Variants in EYA1 observed in about 807,000 individuals in gnomAD.
EYA1 encodes the protein EYA transcriptional coactivator and phosphatase 1, also known as protein phosphatase EYA1.
A neutral mutation model predicts 82.0 loss-of-function variants in EYA1; 16 were observed. The ratio of observed to expected loss-of-function variants is 0.20; its 90% CI spans 0.13 to 0.30. The LOEUF (loss-of-function observed/expected upper bound fraction) is 0.30. Among genes scored for constraint, EYA1 ranks in the 10% least tolerant of loss-of-function variants. EYA1 has a pLI of 1.00. For missense variants in EYA1, 633 were observed against 730.7 expected, an observed-to-expected ratio of 0.87 and a Z score of 1.54; for synonymous variants, 261 against 264.4, an observed-to-expected ratio of 0.99 and a Z score of 0.12.
chr8:71,434,532 G>A (rs995403354), intron 2 of EYA1, among the ~76,000 whole-genome samples: 1 of 152,090 alleles, frequency 6.6e-6, no homozygotes. Flanking sequence ...CAGACTTCTT[G>A]TAAAAAGAAA....
At chr8:71,437,818 A>T (rs1478271461) in intron 2 of EYA1, among the ~76,000 whole-genome samples, 1 of 152,184 alleles carries the variant, frequency 6.6e-6, no homozygotes, top group Non-Finnish European at 1.5e-5. Context: ...ATATTGAAAA[A>T]AAAATGACAT....
chr8:71,251,944 A>G (rs1813794491), intron 11 of EYA1, among the ~76,000 whole-genome samples: 1 of 152,192 alleles, frequency 6.6e-6, no homozygotes, highest in South Asian at 2.1e-4. Context: ...GCCATTAAAT[A>G]CAGTCTCTAG....
chr8:71,386,489 T>C (rs1014446912), intron 2 of EYA1, among the ~76,000 whole-genome samples: 2 of 152,202 alleles, frequency 1.3e-5, no homozygotes, highest in Non-Finnish European at 2.9e-5. Flanking sequence ...CAATTACAAA[T>C]AATTTTTTAA....
At chr8:71,539,014 G>T (rs529019983) in intron 1 of EYA1, among the ~76,000 whole-genome samples, 39 of 152,186 alleles carry the variant, frequency 2.6e-4, no homozygotes, top group African/African-American at 9.4e-4. Context: ...CCCTCCAGAG[G>T]AGGGGTGCCC....
At chr8:71,222,550 T>TC (rs967867410) in intron 12 of EYA1, among the ~76,000 whole-genome samples, 11 of 152,214 alleles carry the variant, frequency 7.2e-5, no homozygotes, top group African/African-American at 2.4e-4. Context: ...TATTCTTCCT[T>TC]CCCCCACAGC....
At chr8:71,538,353 T>G (rs556933861) in intron 1 of EYA1, among the ~76,000 whole-genome samples, 1 of 152,338 alleles carries the variant, frequency 6.6e-6, no homozygotes, top group Non-Finnish European at 1.5e-5. Flanking sequence ...TGGCACTAAT[T>G]AAATATTTTG....
intron 9 of EYA1, among the ~76,000 whole-genome samples, chr8:71,273,853 T>C (rs889862384): frequency 6.6e-6 from 1 of 152,354 alleles, no homozygotes; most frequent in South Asian, 2.1e-4. Context: ...GTTAGCATGT[T>C]ACAACTTTTT....
At chr8:71,491,317 C>T (rs912998066) in intron 2 of EYA1, among the ~76,000 whole-genome samples, 1 of 152,146 alleles carries the variant, frequency 6.6e-6, no homozygotes, top group African/African-American at 2.4e-5. Flanking sequence ...TCTGTAGTTA[C>T]GTGCAGGGCC....
chr8:71,505,367 T>G (rs1010362459), intron 2 of EYA1, among the ~76,000 whole-genome samples: 2 of 152,210 alleles, frequency 1.3e-5, no homozygotes, highest in African/African-American at 4.8e-5. Context: ...CACACTTTTC[T>G]TTATGTTGCT....
At chr8:71,285,586 G>A (rs556693828) in intron 9 of EYA1, among the ~76,000 whole-genome samples, 8 of 152,324 alleles carry the variant, frequency 5.3e-5, no homozygotes, top group Non-Finnish European at 8.8e-5. Context: ...AAGTAGGTTT[G>A]GAACTTTGAG....
chr8:71,508,003 T>G (rs1211055873), intron 2 of EYA1, among the ~76,000 whole-genome samples: 1 of 152,212 alleles, frequency 6.6e-6, no homozygotes, highest in Non-Finnish European at 1.5e-5. Flanking sequence ...ACTTTGTCAG[T>G]TAATCTAATC....
At chr8:71,445,333 A>G (rs548219677) in intron 2 of EYA1, among the ~76,000 whole-genome samples, 1 of 152,324 alleles carries the variant, frequency 6.6e-6, no homozygotes, top group African/African-American at 2.4e-5. Flanking sequence ...TGAAATTGGT[A>G]GCTGAAATGG....
intron 3 of EYA1, among the ~76,000 whole-genome samples, chr8:71,350,501 C>A (rs1207808473): frequency 6.6e-6 from 1 of 152,128 alleles, no homozygotes; most frequent in African/African-American, 2.4e-5. Context: ...AAGATAGTAT[C>A]TGTTCCCACC....
At position 71,434,191 on chromosome 8, in the gene EYA1, C is replaced by T. The variant is rs535813019; in HGVS notation, c.34-77680G>A. Among the ~76,000 whole-genome samples the T allele has an allele frequency of 1.5e-4, 23 of 152,266 alleles. No individual in the cohort carries two copies. The South Asian group carries it at 1.7e-3, about 11-fold the overall frequency. ...TATTTACATGCTGGTTACCTACCCT[C>T]GATGAGACTAATAACTTTCTAGACA... On this transcript the variant is annotated intron_variant, in intron 2 of 18. Transcript: ENST00000643681.
intron 2 of EYA1, among the ~76,000 whole-genome samples, chr8:71,480,000 T>A (rs1299472481): frequency 2.6e-5 from 4 of 152,208 alleles, no homozygotes; most frequent in Non-Finnish European, 5.9e-5. Flanking sequence ...CTGATCTTCA[T>A]AATCCCTGGT....
chr8:71,347,850 A>G (rs924495526), intron 3 of EYA1, among the ~76,000 whole-genome samples: 1 of 142,606 alleles, frequency 7.0e-6, no homozygotes, highest in Non-Finnish European at 1.5e-5. Context: ...GAGTCTGTCT[A>G]CCATTTTTTG....
At chr8:71,499,968 G>A (rs890609397) in intron 2 of EYA1, among the ~76,000 whole-genome samples, 1 of 152,178 alleles carries the variant, frequency 6.6e-6, no homozygotes, top group African/African-American at 2.4e-5. Flanking sequence ...CAGCAAAAGT[G>A]GAGAATTATT....
At chr8:71,426,830 G>T (rs13254946) in intron 2 of EYA1, among the ~76,000 whole-genome samples, 37,380 of 152,124 alleles carry the variant, frequency 0.25, 5,234 homozygotes, top group Non-Finnish European at 0.32. Context: ...ATAAAGAGTT[G>T]CTTTTAAGAA....
At chr8:71,211,464 G>C (rs1808500888) in intron 16 of EYA1, among the ~76,000 whole-genome samples, 1 of 152,148 alleles carries the variant, frequency 6.6e-6, no homozygotes, top group Non-Finnish European at 1.5e-5. Flanking sequence ...GTGGTGTCCT[G>C]TCCTTTGGAA....
Sources: gnomAD v4.1 joint callset for allele counts (sites outside exome capture counted in the v4.1 genomes callset) on GRCh38, gnomAD v4.1.1 for gene constraint, MANE v1.5 for transcripts, NCBI Gene and HGNC (gene_info 2026-07-23, HGNC 2026-07-21) for gene names.